Variants in LRTM3 observed in about 807,000 individuals in gnomAD.
LRTM3 encodes leucine rich repeat transmembrane protein 3, also known as leucine-rich repeat transmembrane protein 3.
chr13:102,746,300 T>G, the LRTM3 span: 7 of 1,550,990 alleles, frequency 4.5e-6, no homozygotes, highest in Non-Finnish European at 5.2e-6. Context: ...TTTATGTTCC[T>G]CTTCCTTTCC....
the LRTM3 span, chr13:102,732,681 C>CACT: frequency 6.4e-7 from 1 of 1,551,144 alleles, no homozygotes; most frequent in Admixed American, 2.0e-5. Flanking sequence ...TGCGGGTGTG[C>CACT]ACTACTGCTT....
At chr13:102,735,138 C>T in the LRTM3 span, 2 of 1,551,310 alleles carry the variant, frequency 1.3e-6, no homozygotes, top group Non-Finnish European at 1.7e-6. Context: ...ACCTTTTCCT[C>T]CTCTTGCTCT....
At chr13:102,751,768 A>G in the LRTM3 span, among the ~76,000 whole-genome samples, 1 of 152,138 alleles carries the variant, frequency 6.6e-6, no homozygotes, top group Non-Finnish European at 1.5e-5. Context: ...CCAACCACAA[A>G]AATTATTTGT....
chr13:102,739,944 G>T, the LRTM3 span: 1 of 1,550,316 alleles, frequency 6.5e-7, no homozygotes, highest in South Asian at 1.2e-5. Context: ...TTGAGTATAT[G>T]TGAAAATACT....
the LRTM3 span, chr13:102,737,507 C>T: frequency 1.3e-6 from 2 of 1,550,498 alleles, no homozygotes; most frequent in African/African-American, 1.4e-5. Context: ...ATCCCTGTTC[C>T]CTTGCTCCTC....
the LRTM3 span, among the ~76,000 whole-genome samples, chr13:102,751,534 T>A: frequency 6.6e-6 from 1 of 152,230 alleles, no homozygotes; most frequent in South Asian, 2.1e-4. Flanking sequence ...TAATAAACTC[T>A]CCAGCTGATT....
chr13:102,731,330 C>G, the LRTM3 span: 1 of 1,551,396 alleles, frequency 6.4e-7, no homozygotes. Flanking sequence ...GAACCTCCAA[C>G]TGTTATCTTT....
the LRTM3 span, among the ~76,000 whole-genome samples, chr13:102,753,834 A>C: frequency 6.6e-6 from 1 of 152,210 alleles, no homozygotes; most frequent in Non-Finnish European, 1.5e-5. Flanking sequence ...TCTACCTCAG[A>C]TTATTAGGCT....
chr13:102,730,625 C>T, the LRTM3 span: 1 of 1,552,046 alleles, frequency 6.4e-7, no homozygotes, highest in Non-Finnish European at 8.7e-7. Flanking sequence ...TGGGAATTTT[C>T]TGATGAGTGA....
At chr13:102,746,308 T>A in the LRTM3 span, 1 of 1,550,984 alleles carries the variant, frequency 6.4e-7, no homozygotes. Context: ...CCTCTTCCTT[T>A]CCATCTTGCA....
chr13:102,731,810 C>T, the LRTM3 span: 1 of 1,549,918 alleles, frequency 6.5e-7, no homozygotes, highest in South Asian at 1.2e-5. Context: ...TACTGGTTCA[C>T]TCTGATCCCT....
the LRTM3 span, chr13:102,732,191 A>T: frequency 6.4e-7 from 1 of 1,551,316 alleles, no homozygotes; most frequent in Non-Finnish European, 8.7e-7. Flanking sequence ...AGGAAGACAG[A>T]TTCTCTTTTC....
chr13:102,740,661 T>G, the LRTM3 span: 1 of 1,548,296 alleles, frequency 6.5e-7, no homozygotes, highest in Non-Finnish European at 8.7e-7. Context: ...GCATCTAATT[T>G]CTCTTGTTGC....
At chr13:102,755,762 GT>G in the LRTM3 span, among the ~76,000 whole-genome samples, 650 of 142,050 alleles carry the variant, frequency 4.6e-3, 4 homozygotes, top group African/African-American at 0.015. Context: ...ATGTATCCTG[GT>G]TTTTTTTTTT....
the LRTM3 span, chr13:102,742,676 G>A: frequency 6.4e-7 from 1 of 1,550,690 alleles, no homozygotes; most frequent in Non-Finnish European, 8.7e-7. Context: ...AGGTGATTGT[G>A]AAACTGCTGA....
the LRTM3 span, chr13:102,758,522 G>T: frequency 1.9e-6 from 3 of 1,540,786 alleles, no homozygotes; most frequent in Non-Finnish European, 8.8e-7. Flanking sequence ...ATATTAAAAT[G>T]TGAAATTGTA....
At chr13:102,736,604 A>G in the LRTM3 span, 3 of 1,551,052 alleles carry the variant, frequency 1.9e-6, 1 homozygote, top group South Asian at 3.6e-5. Context: ...TGAAGAAGTG[A>G]CAAAAGGACA....
chr13:102,732,006 T>A, the LRTM3 span: 1 of 1,551,384 alleles, frequency 6.4e-7, no homozygotes, highest in Non-Finnish European at 8.7e-7. Context: ...TTCATTTCAC[T>A]TCTGAGGTTT....
the LRTM3 span, chr13:102,737,412 CT>C: frequency 6.4e-7 from 1 of 1,550,762 alleles, no homozygotes; most frequent in Non-Finnish European, 8.7e-7. Flanking sequence ...AGGAAGAGAA[CT>C]GTTTCCTGTT....
Sources: gnomAD v4.1 joint callset for allele counts (sites outside exome capture counted in the v4.1 genomes callset) on GRCh38, gnomAD v4.1.1 for gene constraint, MANE v1.5 for transcripts, NCBI Gene and HGNC (gene_info 2026-07-23, HGNC 2026-07-21) for gene names.